The following SLC26A8 variants were observed in gnomAD, a reference collection of about 807,000 sequenced individuals.
The protein encoded by SLC26A8 is solute carrier family 26 member 8, also known as testis anion transporter 1.
SLC26A8 carries 70 observed loss-of-function variants against 105.0 expected under a neutral mutation model. That is an observed-to-expected ratio of 0.67 (90% CI 0.55 to 0.81). The LOEUF (loss-of-function observed/expected upper bound fraction) is 0.81. Ranked by LOEUF, SLC26A8 falls within the 40% of genes least tolerant of loss-of-function variation. The pLI is 0.00. For missense variants in SLC26A8, 998 were observed against 1,181.8 expected (o/e 0.84, Z 2.28); for synonymous variants, 415 against 438.3 (o/e 0.95, Z 0.66).
At chr6:35,997,955 C>T in intron 4 of SLC26A8, 36 bp from the exon 5 acceptor site, 1 of 1,593,358 alleles carries the variant, frequency 6.3e-7, no homozygotes. Context: ...GGTGAAGTTT[C>T]AAGTCCAGGT....
Position 35,982,218 on chromosome 6 carries a change from AAAAG to A in SLC26A8, c.943-19_943-16del. On this transcript the variant is annotated splice_polypyrimidine_tract_variant and intron_variant, in intron 7 of 19. Coordinates refer to ENST00000490799, the MANE Select transcript of SLC26A8 (RefSeq NM_052961.4). ...AAGCCAATAATCTGTAGGGGGTAAAAAAAGAAGGGATGGGGGCATATGAATACCT... is the reference window on the plus strand; with the variant it reads ...AAGCCAATAATCTGTAGGGGGTAAAAAAGGGATGGGGGCATATGAATACCT... 6.2e-7 allele frequency: 1 copy of A among 1,613,214 alleles called. No individual in the cohort carries two copies.
chr6:35,976,497 A>G (rs1432911249), intron 9 of SLC26A8, among the ~76,000 whole-genome samples: 1 of 151,018 alleles, frequency 6.6e-6, no homozygotes, highest in Non-Finnish European at 1.5e-5. Context: ...GGAAAGGGCT[A>G]AAAGACAAAA....
chr6:36,009,505 T>C (rs1271988175), intron 3 of SLC26A8, among the ~76,000 whole-genome samples: 1 of 152,214 alleles, frequency 6.6e-6, no homozygotes, highest in Non-Finnish European at 1.5e-5. Flanking sequence ...CATGGACTAT[T>C]ACTCAAAAAT....
rs990821877 is a variant in SLC26A8 at position 35,987,660 on chromosome 6, C to G, written c.942+3999G>C. Among the ~76,000 whole-genome samples the G allele has an allele frequency of 2.0e-5, 3 of 152,012 alleles. No homozygotes were observed. In the East Asian group the frequency reaches 5.8e-4, roughly 29 times the overall value. On this transcript the variant is annotated intron_variant, in intron 7 of 19. Coordinates refer to ENST00000490799, the MANE Select transcript of SLC26A8 (RefSeq NM_052961.4). ...TGCTGGGATTACAGGCGTGAGCCAC[C>G]GCTCCCAGTCTCCATTTTCTTAACA...
At chr6:35,960,717 C>T (rs370713225) in intron 14 of SLC26A8, 126 bp downstream of exon 14, 411 of 880,078 alleles carry the variant, frequency 4.7e-4, no homozygotes, top group African/African-American at 3.8e-3. Context: ...ATCACATCCC[C>T]CTCCTTTGTA....
At chr6:35,967,083 G>C (rs1772547283) in intron 11 of SLC26A8, among the ~76,000 whole-genome samples, 1 of 152,220 alleles carries the variant, frequency 6.6e-6, no homozygotes, top group Admixed American at 6.5e-5. Context: ...GAATTCTGGA[G>C]ATTACCTCTA....
In SLC26A8 at chr6:36,021,385, G is replaced by A. The variant is rs558685447; in HGVS notation, c.-2-1676C>T. ...AGACCCAATCTTCCTTACTTTCCCC[G>A]TATAATTGTCCAATGTACTTCCATG... On this transcript the variant is annotated intron_variant, in intron 1 of 19. Coordinates refer to ENST00000490799, the MANE Select transcript of SLC26A8 (RefSeq NM_052961.4). Among the ~76,000 whole-genome samples the A allele has an allele frequency of 5.9e-4, 89 of 151,262 alleles. 1 individual carries two copies. In the South Asian group the frequency reaches 0.016, roughly 27 times the overall value.
chr6:35,957,479 T>C (rs2127296435), intron 16 of SLC26A8, among the ~76,000 whole-genome samples: 1 of 152,224 alleles, frequency 6.6e-6, no homozygotes, highest in Middle Eastern at 3.4e-3. Context: ...AGTTTGCAGT[T>C]CAAAGGAGAG....
intron 11 of SLC26A8, among the ~76,000 whole-genome samples, chr6:35,964,086 A>G (rs1243154185): frequency 6.6e-6 from 1 of 152,080 alleles, no homozygotes; most frequent in Non-Finnish European, 1.5e-5. Flanking sequence ...GCATGCAACT[A>G]CAGTCCCAGC....
chr6:35,971,973 C>A (rs1772815466), intron 10 of SLC26A8, among the ~76,000 whole-genome samples: 1 of 152,172 alleles, frequency 6.6e-6, no homozygotes, highest in Non-Finnish European at 1.5e-5. Flanking sequence ...CCTACTAGGG[C>A]TCATCACATC....
chr6:36,008,115 G>A (rs1262241513), intron 3 of SLC26A8, among the ~76,000 whole-genome samples: 1 of 111,434 alleles, frequency 9.0e-6, no homozygotes, highest in Non-Finnish European at 1.8e-5. Context: ...GCGAGACTCC[G>A]TCTCAAAAAA....
chr6:35,959,781 A>AT lies in SLC26A8; in HGVS notation c.1663dup (p.Ile555AsnfsTer19). ...TGTAATTGAGCTGCAGCACTGGAAG[A>AT]TTTTCACCCCAGGAATGGTGATGAT... is the stretch of plus-strand genomic sequence containing the variant. On this transcript the variant is annotated frameshift_variant, in exon 15 of 20. Coordinates refer to ENST00000490799, the MANE Select transcript of SLC26A8 (RefSeq NM_052961.4). LOFTEE classifies it high-confidence loss of function. The AT allele has an allele frequency of 6.2e-7, 1 of 1,608,790 alleles. No individual in the cohort carries two copies. The highest frequency in any genetic ancestry group is 8.5e-7 in the Non-Finnish European group (1 of 1,178,876).
chr6:35,980,849 C>CA (rs1773238564), intron 8 of SLC26A8, among the ~76,000 whole-genome samples: 1 of 151,982 alleles, frequency 6.6e-6, no homozygotes, highest in African/African-American at 2.4e-5. Context: ...CCTGTCTCTA[C>CA]AAAAAATACA....
chr6:35,987,458 G>A (rs1176888342), intron 7 of SLC26A8, among the ~76,000 whole-genome samples: 7 of 152,010 alleles, frequency 4.6e-5, no homozygotes, highest in African/African-American at 1.2e-4. Context: ...TGCAAGCTCC[G>A]CCTCTCGGGT....
intron 9 of SLC26A8, 73 bp from the exon 10 acceptor site, chr6:35,975,561 G>GT: frequency 3.8e-6 from 3 of 794,864 alleles, no homozygotes; most frequent in South Asian, 1.7e-5. Context: ...GAAGGCATAT[G>GT]GTTTTTTTTT....
chr6:35,943,803 G>C lies in SLC26A8; in HGVS notation c.*97C>G, dbSNP rs562634255. 1 of 1,513,658 alleles carries C rather than the reference G, an allele frequency of 6.6e-7. No individual in the cohort carries two copies. The highest frequency in any genetic ancestry group is 1.4e-5 in the African/African-American group (1 of 72,400). The allele number at this position is 1,513,658 out of a possible 1,614,324, so 93.8% of individuals were successfully genotyped here. A position where few individuals can be genotyped will look rare whatever the true frequency, so the allele number is the denominator to read the frequency against. ...GAGTCACAGTCAGGAAGGAAGTACT[G>C]CTAGTTCGTATCCAGTCTAGGTCTC... On this transcript the variant is annotated 3_prime_UTR_variant, in exon 20 of 20. Coordinates refer to ENST00000490799, the MANE Select transcript of SLC26A8 (RefSeq NM_052961.4).
intron 19 of SLC26A8, among the ~76,000 whole-genome samples, chr6:35,947,119 C>T (rs1043140604): frequency 1.3e-5 from 2 of 152,174 alleles, no homozygotes; most frequent in African/African-American, 4.8e-5. Flanking sequence ...ACCTCCGCTT[C>T]CTGGGTTAAA....
chr6:35,968,433 G>GTATCCCAGTTATACGGTGTATAACTGTA lies in SLC26A8; in HGVS notation c.1365+416_1365+443dup, dbSNP rs1772608229. ...GTGCTGGGATTACAGGCGGTGCCCTGTATCCCAGTTATACGGTGTATAACT... is the reference window on the plus strand; with the variant it reads ...GTGCTGGGATTACAGGCGGTGCCCTGTATCCCAGTTATACGGTGTATAACTGTATATCCCAGTTATACGGTGTATAACT... On this transcript the variant is annotated intron_variant, in intron 11 of 19. Transcript: ENST00000490799. Among the ~76,000 whole-genome samples, 7 of 151,114 alleles carry GTATCCCAGTTATACGGTGTATAACTGTA rather than the reference G, an allele frequency of 4.6e-5. No homozygotes were observed. The South Asian group carries it at 6.3e-4, about 14-fold the overall frequency.
chr6:35,974,056 G>A (rs1696852897), intron 10 of SLC26A8, among the ~76,000 whole-genome samples: 1 of 152,206 alleles, frequency 6.6e-6, no homozygotes, highest in Non-Finnish European at 1.5e-5. Flanking sequence ...GGTGGTTCAT[G>A]CCTGTAATCC....
Sources: allele counts gnomAD v4.1 joint callset (sites outside exome capture counted in the v4.1 genomes callset), GRCh38; gene constraint gnomAD v4.1.1; transcripts MANE v1.5; gene names NCBI Gene and HGNC (gene_info 2026-07-23, HGNC 2026-07-21).